Variants in MARCHF1 observed in about 807,000 individuals in gnomAD.
MARCHF1 encodes the protein membrane associated ring-CH-type finger 1, also known as E3 ubiquitin-protein ligase MARCHF1.
MARCHF1 carries 40 observed loss-of-function variants against 54.2 expected under a neutral mutation model. The observed-to-expected ratio is 0.74, with a 90% CI of 0.57 to 0.96. The LOEUF is 0.96. MARCHF1 is among the 40% of genes least tolerant of loss of function. The pLI, the probability that MARCHF1 is intolerant of heterozygous loss-of-function variation, is 0.00. For missense variants in MARCHF1, 586 were observed against 656.5 expected (o/e 0.89, Z 1.17); for synonymous variants, 236 against 236.3 (o/e 1.00, Z 0.01).
chr4:163,959,810 G>A lies in MARCHF1; in HGVS notation c.-39+28691C>T, dbSNP rs79615612. ...TAATTGCAACAAATGCAATAAAATT[G>A]ACTAATGGGATCTAATTAAACTGAG... On this transcript the variant is annotated intron_variant, in intron 3 of 9. Transcript: ENST00000514618. Among the ~76,000 whole-genome samples, 167 of 152,022 alleles carry A rather than the reference G, an allele frequency of 1.1e-3. 4 individuals carry two copies. The East Asian group carries it at 0.024, about 22-fold the overall frequency.
intron 3 of MARCHF1, among the ~76,000 whole-genome samples, chr4:163,913,388 T>C (rs1301914082): frequency 6.6e-6 from 1 of 152,198 alleles, no homozygotes; most frequent in Non-Finnish European, 1.5e-5. Flanking sequence ...TTTTAGTTGT[T>C]ACTCAGAACA....
intron 5 of MARCHF1, among the ~76,000 whole-genome samples, chr4:163,693,560 C>G (rs1744527770): frequency 2.0e-5 from 3 of 151,338 alleles, no homozygotes; most frequent in African/African-American, 4.9e-5. Context: ...AATGTGGGCT[C>G]TCTGTCAAAT....
intron 1 of MARCHF1, among the ~76,000 whole-genome samples, chr4:164,350,935 G>T (rs1218264148): frequency 6.6e-6 from 1 of 152,074 alleles, no homozygotes; most frequent in African/African-American, 2.4e-5. Context: ...GCAGGGCGAG[G>T]CATTGCCTCA....
At chr4:164,103,294 C>T (rs1211332953) in intron 2 of MARCHF1, among the ~76,000 whole-genome samples, 1 of 63,372 alleles carries the variant, frequency 1.6e-5, no homozygotes, top group South Asian at 5.0e-4. Context: ...CTCTCCACCC[C>T]AAATCAACAG....
At chr4:163,969,926 AAGC>A (rs1433185870) in intron 3 of MARCHF1, among the ~76,000 whole-genome samples, 9 of 152,326 alleles carry the variant, frequency 5.9e-5, no homozygotes, top group Admixed American at 5.9e-4. Flanking sequence ...TTGTTTAAAT[AAGC>A]AGGATTTCTA....
At chr4:164,274,014 T>TC (rs1733807910) in intron 1 of MARCHF1, among the ~76,000 whole-genome samples, 1 of 138,394 alleles carries the variant, frequency 7.2e-6, no homozygotes, top group Non-Finnish European at 1.6e-5. Flanking sequence ...TTTATCAAAG[T>TC]CCCCTAATCC....
chr4:163,782,436 C>T (rs564669503), intron 4 of MARCHF1, among the ~76,000 whole-genome samples: 5 of 152,040 alleles, frequency 3.3e-5, no homozygotes, highest in Non-Finnish European at 5.9e-5. Flanking sequence ...TTTGGGAGGC[C>T]GAGGTGGGTG....
At chr4:163,752,873 T>C (rs1746564884) in intron 4 of MARCHF1, among the ~76,000 whole-genome samples, 1 of 152,192 alleles carries the variant, frequency 6.6e-6, no homozygotes, top group Admixed American at 6.5e-5. Flanking sequence ...CAAGAATGCA[T>C]TGCTATCACT....
chr4:163,605,519 C>T (rs987017211), intron 7 of MARCHF1, among the ~76,000 whole-genome samples: 1 of 152,076 alleles, frequency 6.6e-6, no homozygotes, highest in Non-Finnish European at 1.5e-5. Flanking sequence ...GGATTTAGAA[C>T]CAGAAATACC....
chr4:163,795,150 C>T (rs1747877789), intron 4 of MARCHF1, among the ~76,000 whole-genome samples: 2 of 152,176 alleles, frequency 1.3e-5, no homozygotes, highest in South Asian at 2.1e-4. Flanking sequence ...CTTTCAGTGT[C>T]TTTCAACACA....
intron 2 of MARCHF1, among the ~76,000 whole-genome samples, chr4:164,001,836 T>C (rs1458850842): frequency 1.3e-5 from 2 of 151,864 alleles, no homozygotes; most frequent in Non-Finnish European, 2.9e-5. Flanking sequence ...AGTCTTTGGT[T>C]ACACACTAAT....
At chr4:164,153,304 T>G (rs1415008973) in intron 1 of MARCHF1, among the ~76,000 whole-genome samples, 2 of 152,122 alleles carry the variant, frequency 1.3e-5, no homozygotes, top group African/African-American at 4.8e-5. Flanking sequence ...TTTTATCGAC[T>G]TAAAAACCAT....
Position 163,656,415 on chromosome 4 carries a change from T to C in MARCHF1, c.163-43022A>G, listed in dbSNP as rs367643248. Among the ~76,000 whole-genome samples, 126 of 152,090 alleles carry C rather than the reference T, an allele frequency of 8.3e-4. 2 individuals carry two copies. The South Asian group carries it at 0.026, about 31-fold the overall frequency. On this transcript the variant is annotated intron_variant, in intron 5 of 9. Coordinates refer to ENST00000514618, the MANE Select transcript of MARCHF1 (RefSeq NM_001394959.1). Reference sequence around the variant, plus strand: ...GTTCTGAAATTGAGGCAGTAATTAATAGCCTACCAACCAAAAAACCCCAGG... The same window carrying C: ...GTTCTGAAATTGAGGCAGTAATTAACAGCCTACCAACCAAAAAACCCCAGG...
intron 9 of MARCHF1, among the ~76,000 whole-genome samples, chr4:163,532,070 G>A (rs779868126): frequency 6.6e-5 from 10 of 151,826 alleles, no homozygotes; most frequent in Non-Finnish European, 1.0e-4. Context: ...ATTCCAGCAA[G>A]TTATTTTATG....
rs143328473 is a variant in MARCHF1 at position 163,985,110 on chromosome 4, G to A, written c.-39+3391C>T. Among the ~76,000 whole-genome samples the A allele has an allele frequency of 4.4e-3, 665 of 152,120 alleles. 6 individuals are homozygous for A. Among genetic ancestry groups the A allele is most frequent in the African/African-American group, 0.015 (624 of 41,504 alleles). On this transcript the variant is annotated intron_variant, in intron 3 of 9. Transcript: ENST00000514618. The stretch of plus-strand genomic sequence containing the variant: ...CATCACATATATACAGTCTCCAAGT[G>A]TAAATTAATTATTTTGACTACTGTA...
intron 4 of MARCHF1, among the ~76,000 whole-genome samples, chr4:163,716,509 C>T (rs1739414417): frequency 6.6e-6 from 1 of 152,110 alleles, no homozygotes; most frequent in Non-Finnish European, 1.5e-5. Context: ...GGCAGAAGCT[C>T]AACTTACAAA....
intron 1 of MARCHF1, chr4:164,189,655 A>C: frequency 2.1e-6 from 2 of 930,800 alleles, no homozygotes; most frequent in Non-Finnish European, 3.6e-6. Flanking sequence ...TGGTATTGAA[A>C]CTGTGGGAGG....
Position 164,048,397 on chromosome 4 carries a change from T to C in MARCHF1, c.-247-59688A>G, listed in dbSNP as rs190432249. On this transcript the variant is annotated intron_variant, in intron 2 of 9. Transcript: ENST00000514618. ...TAAAAACTGTCCTTGGAGTTATTTA[T>C]AAACAGAACTTACATCAGAATCATC... 1.4e-3 allele frequency among the ~76,000 whole-genome samples: 214 copies of C among 152,294 alleles called. 1 individual carries two copies. The highest frequency in any genetic ancestry group is 5.0e-3 in the African/African-American group (207 of 41,582).
chr4:163,546,053 C>T (rs562701071), intron 8 of MARCHF1, among the ~76,000 whole-genome samples: 47 of 152,094 alleles, frequency 3.1e-4, no homozygotes, highest in African/African-American at 1.1e-3. Flanking sequence ...CAGGTCACTG[C>T]AACCGCTGCC....
Sources: gnomAD v4.1 joint callset for allele counts (sites outside exome capture counted in the v4.1 genomes callset) on GRCh38, gnomAD v4.1.1 for gene constraint, MANE v1.5 for transcripts, NCBI Gene and HGNC (gene_info 2026-07-23, HGNC 2026-07-21) for gene names.